Variants in PCDH15 observed in about 807,000 individuals in gnomAD.
The protein encoded by PCDH15 is protocadherin-15.
In PCDH15, 129 loss-of-function variants were observed where a neutral mutation model predicts 178.5. The observed-to-expected ratio is 0.72, with a 90% CI of 0.63 to 0.84. The LOEUF (loss-of-function observed/expected upper bound fraction) is 0.84, where lower values mean the gene tolerates loss of function less well. Among genes scored for constraint, PCDH15 ranks in the 40% least tolerant of loss-of-function variants. The pLI, the probability that PCDH15 is intolerant of heterozygous loss-of-function variation, is 0.00. For synonymous variants in PCDH15, 800 were observed against 732.0 expected (o/e 1.09, Z -1.50); for missense variants, 2,230 against 2,099.9 (o/e 1.06, Z -1.21).
chr10:55,528,042 T>G (rs187194002), intron 2 of PCDH15, among the ~76,000 whole-genome samples: 47 of 151,930 alleles, frequency 3.1e-4, no homozygotes, highest in African/African-American at 9.9e-4. Flanking sequence ...CAAAAATTTT[T>G]TTTTAATTTT....
intron 6 of PCDH15, among the ~76,000 whole-genome samples, chr10:54,339,873 A>G (rs1941910482): frequency 6.6e-6 from 1 of 152,020 alleles, no homozygotes; most frequent in Non-Finnish European, 1.5e-5. Context: ...GAATTCCCCT[A>G]ATCTCTGATG....
At chr10:54,428,731 A>G (rs1319748949) in intron 3 of PCDH15, among the ~76,000 whole-genome samples, 1 of 152,228 alleles carries the variant, frequency 6.6e-6, no homozygotes, top group Non-Finnish European at 1.5e-5. Flanking sequence ...ATGGAGCTTC[A>G]GTATATCTGG....
intron 2 of PCDH15, among the ~76,000 whole-genome samples, chr10:55,538,071 C>T (rs1841623849): frequency 6.6e-6 from 1 of 152,084 alleles, no homozygotes; most frequent in Admixed American, 6.6e-5. Flanking sequence ...GATAGACATC[C>T]AGGATCAGAT....
chr10:55,102,197 T>C, intron 2 of PCDH15, among the ~76,000 whole-genome samples: 1 of 152,096 alleles, frequency 6.6e-6, no homozygotes, highest in East Asian at 1.9e-4. Flanking sequence ...GTATGTTTTT[T>C]CCCTTTACTC....
At chr10:54,490,823 G>A (rs969127713) in intron 3 of PCDH15, among the ~76,000 whole-genome samples, 1 of 152,148 alleles carries the variant, frequency 6.6e-6, no homozygotes, top group African/African-American at 2.4e-5. Flanking sequence ...ATTTTGTGAA[G>A]ATATAAAATT....
intron 15 of PCDH15, among the ~76,000 whole-genome samples, chr10:54,122,238 G>C (rs566925790): frequency 6.6e-6 from 1 of 151,776 alleles, no homozygotes; most frequent in Non-Finnish European, 1.5e-5. Context: ...AATGTGATCC[G>C]ATCACATGAA....
intron 25 of PCDH15, among the ~76,000 whole-genome samples, chr10:53,916,688 A>G (rs1009598410): frequency 1.3e-5 from 2 of 152,204 alleles, no homozygotes; most frequent in South Asian, 4.1e-4. Context: ...TTGGAAGCAG[A>G]GCCTGGGTCT....
At chr10:54,646,731 A>T (rs1038246382) in intron 2 of PCDH15, among the ~76,000 whole-genome samples, 6 of 152,106 alleles carry the variant, frequency 3.9e-5, no homozygotes, top group African/African-American at 1.4e-4. Context: ...AATTATTTTT[A>T]ATTTTTAATG....
At chr10:53,989,890 A>G (rs2091350363) in intron 21 of PCDH15, among the ~76,000 whole-genome samples, 1 of 152,172 alleles carries the variant, frequency 6.6e-6, no homozygotes, top group Admixed American at 6.5e-5. Flanking sequence ...CCAAAAAACT[A>G]TATTATCTGG....
intron 18 of PCDH15, among the ~76,000 whole-genome samples, chr10:54,025,841 C>A (rs1302633145): frequency 6.6e-6 from 1 of 151,986 alleles, no homozygotes; most frequent in African/African-American, 2.4e-5. Context: ...AAGCCCCTCA[C>A]ATTTTTTGAA....
intron 1 of PCDH15, among the ~76,000 whole-genome samples, chr10:54,719,846 A>C (rs1204586972): frequency 6.6e-6 from 1 of 150,464 alleles, no homozygotes; most frequent in East Asian, 1.9e-4. Context: ...GTTCCTCCAA[A>C]TGACATGATC....
chr10:54,211,868 A>C (rs2051475415), intron 10 of PCDH15, among the ~76,000 whole-genome samples: 1 of 152,116 alleles, frequency 6.6e-6, no homozygotes, highest in African/African-American at 2.4e-5. Flanking sequence ...CAGGTGGCAC[A>C]TTATTATTAC....
At chr10:55,005,894 C>T (rs911203458) in intron 2 of PCDH15, among the ~76,000 whole-genome samples, 2 of 151,904 alleles carry the variant, frequency 1.3e-5, no homozygotes, top group Non-Finnish European at 2.9e-5. Flanking sequence ...CTATTTTGCT[C>T]TATAAATATT....
intron 2 of PCDH15, among the ~76,000 whole-genome samples, chr10:55,568,815 C>T (rs1046476969): frequency 4.6e-5 from 7 of 152,024 alleles, no homozygotes; most frequent in Admixed American, 3.9e-4. Context: ...GGAGATAGAA[C>T]AGCCTCACGT....
At chr10:54,374,501 T>C (rs765603947) in intron 4 of PCDH15, among the ~76,000 whole-genome samples, 4 of 152,054 alleles carry the variant, frequency 2.6e-5, no homozygotes, top group Non-Finnish European at 5.9e-5. Context: ...TGCCCAATAG[T>C]GATGAGAGCA....
Position 54,038,353 on chromosome 10 carries a change from G to A in PCDH15, c.2221-15156C>T, listed in dbSNP as rs559366666. 1.7e-3 allele frequency among the ~76,000 whole-genome samples: 263 copies of A among 151,896 alleles called. 1 individual carries two copies. The highest frequency in any genetic ancestry group is 3.0e-3 in the Non-Finnish European group (206 of 67,884). On this transcript the variant is annotated intron_variant, in intron 18 of 37. Coordinates refer to ENST00000644397, the MANE Select transcript of PCDH15 (RefSeq NM_001384140.1). ...GGTTCTCTGGCAAGCAGACAATGAGGCAGAGATTAGTTGCAAGAGTTTTGT... is the reference window on the plus strand; with the variant it reads ...GGTTCTCTGGCAAGCAGACAATGAGACAGAGATTAGTTGCAAGAGTTTTGT...
At chr10:54,486,618 C>T (rs2079122531) in intron 3 of PCDH15, among the ~76,000 whole-genome samples, 1 of 151,312 alleles carries the variant, frequency 6.6e-6, no homozygotes, top group Non-Finnish European at 1.5e-5. Context: ...TAAAATACTG[C>T]TCCTTCCTGT....
chr10:55,615,729 A>C (rs1188978387), intron 2 of PCDH15, among the ~76,000 whole-genome samples: 1 of 152,080 alleles, frequency 6.6e-6, no homozygotes, highest in Non-Finnish European at 1.5e-5. Context: ...AAAAAATAAA[A>C]AATGCCAGTC....
chr10:54,607,967 C>G lies in PCDH15; in HGVS notation c.91+56205G>C, dbSNP rs755067843. On this transcript the variant is annotated intron_variant, in intron 2 of 37. Coordinates refer to ENST00000644397, the MANE Select transcript of PCDH15 (RefSeq NM_001384140.1). The stretch of plus-strand genomic sequence containing the variant: ...TTTGCACCAACCTAATACTTCCGCA[C>G]TTTGGAAAGGCTTTGCCTACATCAT... The G allele has an allele frequency of 2.8e-5, 14 of 499,576 alleles. No individual in the cohort carries two copies. In the Middle Eastern group the frequency reaches 3.6e-3, roughly 127 times the overall value. The allele number at this position is 499,576 out of a possible 1,614,324, so 30.9% of individuals were successfully genotyped here. A position where few individuals can be genotyped will look rare whatever the true frequency, so the allele number is the denominator to read the frequency against.
Sources: gnomAD v4.1 joint callset for allele counts (sites outside exome capture counted in the v4.1 genomes callset) on GRCh38, gnomAD v4.1.1 for gene constraint, MANE v1.5 for transcripts, NCBI Gene and HGNC (gene_info 2026-07-23, HGNC 2026-07-21) for gene names.